The following CATSPERE variants were observed in gnomAD, a reference collection of about 807,000 sequenced individuals.
CATSPERE encodes cation channel sperm-associated auxiliary subunit epsilon.
CATSPERE carries 93 observed loss-of-function variants against 114.1 expected under a neutral mutation model. That is an observed-to-expected ratio of 0.81 (90% CI 0.69 to 0.97). CATSPERE has a LOEUF of 0.97. Among genes scored for constraint, CATSPERE ranks in the 50% least tolerant of loss-of-function variants. The pLI is 0.00. For synonymous variants in CATSPERE, 341 were observed against 384.1 expected (o/e 0.89, Z 1.31); for missense variants, 1,058 against 1,131.6 (o/e 0.93, Z 0.93).
intron 13 of CATSPERE, among the ~76,000 whole-genome samples, chr1:244,586,774 C>T (rs577810984): frequency 3.9e-5 from 6 of 152,208 alleles, no homozygotes; most frequent in South Asian, 2.1e-4. Context: ...TAAGGCAGAA[C>T]GCAAGTGTGT....
At chr1:244,529,469 A>G (rs1679250141) in intron 8 of CATSPERE, among the ~76,000 whole-genome samples, 1 of 152,162 alleles carries the variant, frequency 6.6e-6, no homozygotes, top group Non-Finnish European at 1.5e-5. Context: ...GTCTTCACCT[A>G]AGAAATGTCT....
In CATSPERE at chr1:244,595,160, G is replaced by A. The variant is rs368433093; in HGVS notation, c.2303+1582G>A. On this transcript the variant is annotated intron_variant, in intron 17 of 21. Transcript: ENST00000366534. ...TACTTTACACCAAGAACGGTGCTAGGCCCTGGAAATGGAAAGATAAGTGAC... is the reference window on the plus strand; with the variant it reads ...TACTTTACACCAAGAACGGTGCTAGACCCTGGAAATGGAAAGATAAGTGAC... 1.1e-4 allele frequency among the ~76,000 whole-genome samples: 16 copies of A among 152,272 alleles called. 1 individual carries two copies. The South Asian group carries it at 1.5e-3, about 14-fold the overall frequency.
chr1:244,456,007 G>A (rs922305773), intron 1 of CATSPERE, among the ~76,000 whole-genome samples: 5 of 152,090 alleles, frequency 3.3e-5, no homozygotes, highest in African/African-American at 9.7e-5. Context: ...TAGTAGTTAC[G>A]GAGGCATACT....
chr1:244,451,350 G>A (rs1014168531), upstream of CATSPERE, among the ~76,000 whole-genome samples: 1 of 152,140 alleles, frequency 6.6e-6, no homozygotes, highest in African/African-American at 2.4e-5. The surrounding 1 kb of genome is among the most constrained non-coding windows in gnomAD (Gnocchi z 6.6). Flanking sequence ...CTCGCCAGAC[G>A]CAAAACTGCA....
chr1:244,466,570 G>A (rs1353246430), intron 2 of CATSPERE, among the ~76,000 whole-genome samples: 2 of 152,116 alleles, frequency 1.3e-5, no homozygotes, highest in Non-Finnish European at 2.9e-5. Flanking sequence ...TATTATCCCT[G>A]TCTTTAAGGG....
intron 7 of CATSPERE, among the ~76,000 whole-genome samples, chr1:244,512,739 C>G (rs1437799543): frequency 1.3e-5 from 2 of 152,184 alleles, no homozygotes; most frequent in Non-Finnish European, 2.9e-5. Context: ...TAGTGGAAGA[C>G]ATTTTCCTTT....
At chr1:244,464,455 T>G (rs1667278787) in intron 2 of CATSPERE, among the ~76,000 whole-genome samples, 1 of 151,774 alleles carries the variant, frequency 6.6e-6, no homozygotes, top group African/African-American at 2.4e-5. Context: ...CTTCCTACCA[T>G]CACAAACAAT....
intron 5 of CATSPERE, among the ~76,000 whole-genome samples, chr1:244,486,250 AAGG>A (rs1477036117): frequency 3.9e-5 from 6 of 152,212 alleles, no homozygotes; most frequent in Non-Finnish European, 7.3e-5. Context: ...TCCCTTAGAC[AAGG>A]AGTACTCGTG....
chr1:244,635,626 C>G (rs1674539140), intron 21 of CATSPERE, 84 bp downstream of exon 21: 1 of 1,026,390 alleles, frequency 9.7e-7, no homozygotes, highest in Admixed American at 2.0e-5. Flanking sequence ...ACCTCTCCCC[C>G]GTGTCTCCCA....
chr1:244,498,601 CTA>C (rs748430729), intron 6 of CATSPERE, among the ~76,000 whole-genome samples: 2 of 151,940 alleles, frequency 1.3e-5, no homozygotes, highest in East Asian at 3.9e-4. Flanking sequence ...CTATTTATGG[CTA>C]TAAAGAAAGA....
At chr1:244,621,301 A>T (rs1200564872) in intron 20 of CATSPERE, among the ~76,000 whole-genome samples, 1 of 118,380 alleles carries the variant, frequency 8.4e-6, no homozygotes, top group African/African-American at 3.5e-5. Flanking sequence ...CTATATAAAT[A>T]TATAAATATA....
intron 5 of CATSPERE, among the ~76,000 whole-genome samples, chr1:244,488,341 C>T (rs528282115): frequency 9.2e-5 from 14 of 152,118 alleles, no homozygotes; most frequent in Admixed American, 2.0e-4. Context: ...TCCCTAATAC[C>T]ACTATGTTCT....
At chr1:244,511,779 A>T (rs949189381) in intron 7 of CATSPERE, among the ~76,000 whole-genome samples, 1 of 152,178 alleles carries the variant, frequency 6.6e-6, no homozygotes, top group African/African-American at 2.4e-5. Flanking sequence ...TACCTGGGAA[A>T]GACTTCATTT....
At chr1:244,524,664 A>C (rs989083754) in intron 8 of CATSPERE, among the ~76,000 whole-genome samples, 2 of 151,778 alleles carry the variant, frequency 1.3e-5, no homozygotes, top group African/African-American at 4.9e-5. Flanking sequence ...CAACCCCATC[A>C]AAAAGTGGGC....
intron 7 of CATSPERE, among the ~76,000 whole-genome samples, chr1:244,502,441 G>A (rs887643231): frequency 4.6e-5 from 7 of 151,876 alleles, no homozygotes; most frequent in East Asian, 1.9e-4. Flanking sequence ...CATTAAGTTC[G>A]TTTTCATCTA....
chr1:244,593,695 A>G (rs775359349), intron 17 of CATSPERE, 117 bp downstream of exon 17: 7 of 806,392 alleles, frequency 8.7e-6, no homozygotes, highest in Non-Finnish European at 1.4e-5. Flanking sequence ...TACTCAATAT[A>G]TGCGAGACTT....
At chr1:244,625,403 TA>T (rs1320976983) in intron 20 of CATSPERE, among the ~76,000 whole-genome samples, 2 of 16,124 alleles carry the variant, frequency 1.2e-4, no homozygotes, top group Non-Finnish European at 1.2e-4. Context: ...TTATTATTAT[TA>T]TTTATATATA....
At chr1:244,486,261 G>A (rs1000604150) in intron 5 of CATSPERE, among the ~76,000 whole-genome samples, 6 of 152,222 alleles carry the variant, frequency 3.9e-5, no homozygotes, top group African/African-American at 1.2e-4. Flanking sequence ...AGGAGTACTC[G>A]TGGGCCAAGT....
At chr1:244,527,312 TTC>T (rs1678799861) in intron 8 of CATSPERE, among the ~76,000 whole-genome samples, 1 of 152,172 alleles carries the variant, frequency 6.6e-6, no homozygotes, top group Admixed American at 6.5e-5. Context: ...CAGGGACGCA[TTC>T]TCTTTCTCAG....
Sources: allele counts gnomAD v4.1 joint callset (sites outside exome capture counted in the v4.1 genomes callset), GRCh38; gene constraint gnomAD v4.1.1; non-coding constraint Gnocchi (gnomAD v3.1); transcripts MANE v1.5; gene names NCBI Gene and HGNC (gene_info 2026-07-23, HGNC 2026-07-21).